Variants in RYR1 observed in about 807,000 individuals in gnomAD.
RYR1 encodes the protein central core disease of muscle.
In RYR1, 342 loss-of-function variants were observed where a neutral mutation model predicts 583.5. That is an observed-to-expected ratio of 0.59 (90% CI 0.54 to 0.64). RYR1 has a LOEUF of 0.64. Ranked by LOEUF, RYR1 falls within the 30% of genes least tolerant of loss-of-function variation. RYR1 has a pLI of 0.00. For missense variants in RYR1, 6,032 were observed against 6,917.2 expected, an observed-to-expected ratio of 0.87 and a Z score of 4.54; for synonymous variants, 2,791 against 2,822.5, an observed-to-expected ratio of 0.99 and a Z score of 0.35.
chr19:38,451,207 G>C (rs77231591), intron 11 of RYR1, among the ~76,000 whole-genome samples: 2 of 152,220 alleles, frequency 1.3e-5, no homozygotes, highest in Non-Finnish European at 2.9e-5. Context: ...GCGTAGAGAC[G>C]GGGCCTGGGC....
At position 38,527,719 on chromosome 19, in the gene RYR1, G is replaced by A. The variant is rs1271768189; in HGVS notation, c.10759G>A (p.Asp3587Asn). The A allele has an allele frequency of 1.2e-6, 2 of 1,613,958 alleles. No individual in the cohort carries two copies. The highest frequency in any genetic ancestry group is 1.1e-5 in the South Asian group (1 of 91,078). ...RGVPGREEDA[D>N]DPEKIVRRVQ... ...CGTCCCGGGTCGCGAGGAGGACGCCGATGACCCCGAGAAAATCGTGCGCAG... is the reference window on the plus strand; with the variant it reads ...CGTCCCGGGTCGCGAGGAGGACGCCAATGACCCCGAGAAAATCGTGCGCAG... Residue 3587 changes from aspartate to asparagine, a missense_variant, in exon 73 of 106, where the codon GAT (aspartate) becomes AAT (asparagine). By Grantham distance (23) the Asp-to-Asn change is conservative. This residue lies in a region of RYR1 where 1,493 missense variants were observed against 1,715.5 expected (regional missense o/e 0.87). Transcript: ENST00000359596.
At chr19:38,532,619 C>G in intron 77 of RYR1, 52 bp from the exon 78 acceptor site, 1 of 1,613,068 alleles carries the variant, frequency 6.2e-7, no homozygotes, top group Non-Finnish European at 8.5e-7. Context: ...AGGGCTGGGG[C>G]GGGATGGAGG....
rs116470911 is a variant in RYR1, at chr19:38,463,999, G to A, written c.2786+149G>A. 8.2e-3 allele frequency: 5,717 copies of A among 697,300 alleles called. 171 individuals are homozygous for A. The highest frequency in any genetic ancestry group is 0.073 in the African/African-American group (4,181 of 57,054). The allele number at this position is 697,300 out of a possible 1,614,324, so 43.2% of individuals were successfully genotyped here. A position where few individuals can be genotyped will look rare whatever the true frequency, so the allele number is the denominator to read the frequency against. On this transcript the variant is annotated intron_variant, in intron 22 of 105. Coordinates refer to ENST00000359596, the MANE Select transcript of RYR1 (RefSeq NM_000540.3). ...AGACATAAACAAATGGGGAGTGGCC[G>A]GGCACGGTGGCTCACACCTGTAATC... is the stretch of plus-strand genomic sequence containing the variant.
Position 38,512,370 on chromosome 19 carries a change from C to T in RYR1, c.9359C>T (p.Thr3120Ile). The change falls in exon 63 of 106, where the codon ACC (threonine) becomes ATC (isoleucine). Residue 3120 changes from threonine to isoleucine, a missense_variant. Physicochemically the swap from Thr to Ile is moderately conservative, Grantham distance 89. Coordinates refer to ENST00000359596, the MANE Select transcript of RYR1 (RefSeq NM_000540.3). The surrounding 1 kb of genome is among the most constrained non-coding windows in gnomAD (Gnocchi z 5.1). Reference protein sequence around the residue: ...LRLGKVSQARTQVKGVGQNLT... With the variant: ...LRLGKVSQARIQVKGVGQNLT... ...CTGGGCAAGGTGTCGCAGGCGCGCA[C>T]CCAGGTGAAAGGCGTGGGCCAGAAC... 6.2e-7 allele frequency: 1 copy of T among 1,614,098 alleles called. No homozygotes were observed. The highest frequency in any genetic ancestry group is 8.5e-7 in the Non-Finnish European group (1 of 1,180,048).
intron 24 of RYR1, among the ~76,000 whole-genome samples, chr19:38,466,824 C>T (rs1364401774): frequency 6.6e-6 from 1 of 152,060 alleles, no homozygotes; most frequent in African/African-American, 2.4e-5. Context: ...TCTATCACAT[C>T]GAGCAGACTG....
In RYR1 at chr19:38,496,851, C is replaced by T. The variant is rs191934693; in HGVS notation, c.6797-9C>T. The T allele has an allele frequency of 1.6e-4, 260 of 1,609,132 alleles. No individual in the cohort carries two copies. The highest frequency in any genetic ancestry group is 2.0e-4 in the Non-Finnish European group (240 of 1,176,086). ...AGTGAGATGTTCTCCCCACCTCTCG[C>T]CCCTGCAGGCATGCAGGGCTCCACG... is the stretch of plus-strand genomic sequence containing the variant. On this transcript the variant is annotated splice_polypyrimidine_tract_variant and intron_variant, in intron 41 of 105. Coordinates refer to ENST00000359596, the MANE Select transcript of RYR1 (RefSeq NM_000540.3). This position sits in a 1 kb window ranked among gnomAD's most constrained non-coding sequence, Gnocchi z 4.8.
At chr19:38,564,407 C>G (rs781097887) in intron 90 of RYR1, among the ~76,000 whole-genome samples, 5 of 152,212 alleles carry the variant, frequency 3.3e-5, no homozygotes, top group Non-Finnish European at 5.9e-5. Context: ...CGCCTGTAAT[C>G]CCAGCTACTC....
intron 101 of RYR1, among the ~76,000 whole-genome samples, chr19:38,584,455 G>A: frequency 3.0e-5 from 1 of 33,214 alleles, no homozygotes. Context: ...CACCCAACCT[G>A]GCCCTGACCC....
rs534275117 is a variant in RYR1 at position 38,495,626 on chromosome 19, G to A, written c.6549-589G>A. Among the ~76,000 whole-genome samples, 27 of 151,594 alleles carry A rather than the reference G, an allele frequency of 1.8e-4. 1 individual carries two copies. Among genetic ancestry groups the A allele is most frequent in the Admixed American group, 9.8e-4 (15 of 15,248 alleles). On this transcript the variant is annotated intron_variant, in intron 39 of 105. Coordinates refer to ENST00000359596, the MANE Select transcript of RYR1 (RefSeq NM_000540.3). ...CCTCCCAAAGGGCTGGAATTACAAG[G>A]CAAAAGCCACCATGCTGGGACAACA...
chr19:38,484,726 G>C (rs1052775616), intron 33 of RYR1, among the ~76,000 whole-genome samples: 3 of 151,772 alleles, frequency 2.0e-5, no homozygotes, highest in Non-Finnish European at 2.9e-5. Context: ...AAGCACTTCA[G>C]GAGGCTGAGG....
In RYR1 at chr19:38,520,693, C is replaced by CAAAAAAAAAAAAAAAAA. The variant is rs71165555; in HGVS notation, c.10259+1249_10259+1265dup. Among the ~76,000 whole-genome samples, 99 of 46,900 alleles carry CAAAAAAAAAAAAAAAAA rather than the reference C, an allele frequency of 2.1e-3. 6 individuals carry two copies. In the East Asian group the frequency reaches 0.022, roughly 10 times the overall value. 30.8% of individuals were successfully genotyped at this position (46,900 alleles called of 152,430 possible). Reference sequence around the variant, plus strand: ...CTAGGAACAGAGCGAGGCTCCACCTCAAAAAAAAAAAAAAAAAAAAAAAAA... The same window carrying CAAAAAAAAAAAAAAAAA: ...CTAGGAACAGAGCGAGGCTCCACCTCAAAAAAAAAAAAAAAAAAAAAAAAAAAAAAAAAAAAAAAAAA... On this transcript the variant is annotated intron_variant, in intron 67 of 105. Coordinates refer to ENST00000359596, the MANE Select transcript of RYR1 (RefSeq NM_000540.3).
Position 38,512,086 on chromosome 19 carries a change from G to A in RYR1, c.9187G>A (p.Ala3063Thr), listed in dbSNP as rs1325422840. The change falls in exon 62 of 106, where the codon GCT becomes ACT. Residue 3063 changes from alanine (A) to threonine (T), a missense_variant. Transcript: ENST00000359596. The surrounding 1 kb of genome is among the most constrained non-coding windows in gnomAD (Gnocchi z 5.1). The stretch of plus-strand genomic sequence containing the variant: ...TCCTCTCCCAGGGACAGACGCCCCA[G>A]CTGTGGTCAACTGTCTTCACATCCT... Reference protein sequence around the residue: ...RVSLFGTDAPAVVNCLHILAR... With the variant: ...RVSLFGTDAPTVVNCLHILAR... 6.2e-7 allele frequency: 1 copy of A among 1,614,174 alleles called. No individual in the cohort carries two copies. Among genetic ancestry groups the A allele is most frequent in the South Asian group, 1.1e-5 (1 of 91,080 alleles).
chr19:38,475,695 C>T (rs1157011361), intron 29 of RYR1, among the ~76,000 whole-genome samples: 2 of 152,236 alleles, frequency 1.3e-5, no homozygotes, highest in Non-Finnish European at 2.9e-5. Flanking sequence ...GATATAACTC[C>T]TGGGGATCCC....
At chr19:38,486,253 A>G (rs1474048700) in intron 34 of RYR1, 51 bp downstream of exon 34, 6 of 1,610,798 alleles carry the variant, frequency 3.7e-6, no homozygotes, top group Non-Finnish European at 5.1e-6. Flanking sequence ...CCACATTCCC[A>G]AAACTCCAGA....
chr19:38,528,531 A>G, intron 74 of RYR1, 68 bp from the exon 75 acceptor site: 1 of 1,597,762 alleles, frequency 6.3e-7, no homozygotes, highest in Non-Finnish European at 8.6e-7. Flanking sequence ...TGGGGGCTGC[A>G]GGCGCATGGG....
At chr19:38,585,521 C>T (rs901947767) in intron 102 of RYR1, among the ~76,000 whole-genome samples, 2 of 150,488 alleles carry the variant, frequency 1.3e-5, no homozygotes, top group Non-Finnish European at 1.5e-5. Flanking sequence ...TTGCCCGGGC[C>T]AGAGTTCAGT....
chr19:38,472,827 C>T lies in RYR1; in HGVS notation c.3766-550C>T, dbSNP rs556690385. Among the ~76,000 whole-genome samples the T allele has an allele frequency of 3.9e-5, 5 of 129,338 alleles. No individual in the cohort carries two copies. In the South Asian group the frequency reaches 1.3e-3, roughly 34 times the overall value. 84.9% of individuals were successfully genotyped at this position (129,338 alleles called of 152,430 possible). A position where few individuals can be genotyped will look rare whatever the true frequency, so the allele number is the denominator to read the frequency against. Reference sequence around the variant, plus strand: ...CTCCAGCCTGGGTGACAGAGCAAGACTCTTGTCTAAAAAAAAAAAAAAAAA... The same window carrying T: ...CTCCAGCCTGGGTGACAGAGCAAGATTCTTGTCTAAAAAAAAAAAAAAAAA... On this transcript the variant is annotated intron_variant, in intron 27 of 105. Coordinates refer to ENST00000359596, the MANE Select transcript of RYR1 (RefSeq NM_000540.3).
At chr19:38,545,311 C>G (rs1432621671) in intron 87 of RYR1, among the ~76,000 whole-genome samples, 1 of 152,154 alleles carries the variant, frequency 6.6e-6, no homozygotes, top group Non-Finnish European at 1.5e-5. Flanking sequence ...TGGGTAGGCA[C>G]AAACCACAGG....
At chr19:38,452,719 C>A in intron 12 of RYR1, 100 bp from the exon 13 acceptor site, 1 of 1,066,912 alleles carries the variant, frequency 9.4e-7, no homozygotes, top group Non-Finnish European at 1.3e-6. Flanking sequence ...CTCTGTAAAA[C>A]GGGTGGGTCT....
Sources: allele counts gnomAD v4.1 joint callset (sites outside exome capture counted in the v4.1 genomes callset), GRCh38; gene constraint gnomAD v4.1.1; regional missense constraint gnomAD v4.1.1; non-coding constraint Gnocchi (gnomAD v3.1); transcripts MANE v1.5; gene names NCBI Gene and HGNC (gene_info 2026-07-23, HGNC 2026-07-21).